GALNT14: variants seen among roughly 807,000 people sequenced by gnomAD.
GALNT14 encodes UDP-GalNAc:polypeptide N-acetylgalactosaminyltransferase 14.
GALNT14 carries 60 observed loss-of-function variants against 77.5 expected under a neutral mutation model. That is an observed-to-expected ratio of 0.77 (90% CI 0.63 to 0.96). GALNT14 has a LOEUF of 0.96. Among genes scored for constraint, GALNT14 ranks in the 40% least tolerant of loss-of-function variants. GALNT14 has a pLI of 0.00. For synonymous variants in GALNT14, 280 were observed against 281.7 expected, an observed-to-expected ratio of 0.99 and a Z score of 0.06; for missense variants, 710 against 731.0, an observed-to-expected ratio of 0.97 and a Z score of 0.33.
At chr2:31,064,367 G>A (rs1674800460) in intron 1 of GALNT14, among the ~76,000 whole-genome samples, 1 of 152,150 alleles carries the variant, frequency 6.6e-6, no homozygotes, top group Non-Finnish European at 1.5e-5. Context: ...TCTAGAAACT[G>A]CCTTCCAGTC....
At chr2:31,020,919 T>G (rs1671674275) in intron 1 of GALNT14, among the ~76,000 whole-genome samples, 1 of 152,144 alleles carries the variant, frequency 6.6e-6, no homozygotes, top group Admixed American at 6.5e-5. Context: ...TTATTACGCC[T>G]CTCCAGGAAT....
intron 1 of GALNT14, among the ~76,000 whole-genome samples, chr2:31,035,571 G>GTGTGTA (rs1308870682): frequency 7.2e-5 from 10 of 139,568 alleles, no homozygotes; most frequent in Admixed American, 4.2e-4. Flanking sequence ...GTGTGTGTAT[G>GTGTGTA]TGTGTGTGTG....
intron 1 of GALNT14, among the ~76,000 whole-genome samples, chr2:31,062,542 A>G (rs1674669857): frequency 6.6e-6 from 1 of 152,194 alleles, no homozygotes; most frequent in Non-Finnish European, 1.5e-5. Flanking sequence ...GTGTCTTTAT[A>G]GTAGAATGAT....
the GALNT14 span, among the ~76,000 whole-genome samples, chr2:30,898,269 G>A: frequency 2.6e-5 from 4 of 152,094 alleles, no homozygotes; most frequent in Admixed American, 6.5e-5. Context: ...AGAAATAAAT[G>A]TTTCTTTGTT....
intron 13 of GALNT14, among the ~76,000 whole-genome samples, chr2:30,912,904 G>C (rs115978175): frequency 0.022 from 3,354 of 152,216 alleles, 142 homozygotes; most frequent in African/African-American, 0.076. Flanking sequence ...ATAAAGAAGG[G>C]TCTAGGGAAA....
intron 1 of GALNT14, among the ~76,000 whole-genome samples, chr2:31,065,587 T>C (rs1488462005): frequency 6.6e-6 from 1 of 152,134 alleles, no homozygotes; most frequent in Non-Finnish European, 1.5e-5. Flanking sequence ...GAGGAGGGCC[T>C]TGGAATGGGC....
At chr2:31,005,264 T>C (rs1433140473) in intron 1 of GALNT14, among the ~76,000 whole-genome samples, 1 of 152,108 alleles carries the variant, frequency 6.6e-6, no homozygotes, top group Non-Finnish European at 1.5e-5. Flanking sequence ...AGCTTCTGTG[T>C]TGTGTGTGTG....
At chr2:31,115,319 G>A (rs111877723) in intron 1 of GALNT14, among the ~76,000 whole-genome samples, 2,296 of 152,090 alleles carry the variant, frequency 0.015, 18 homozygotes, top group South Asian at 0.03. Context: ...CCAAGTGTCC[G>A]AGGCAGATGT....
At chr2:30,938,932 G>A (rs1666215323) in intron 9 of GALNT14, among the ~76,000 whole-genome samples, 3 of 152,180 alleles carry the variant, frequency 2.0e-5, no homozygotes, top group Non-Finnish European at 2.9e-5. Context: ...TATTATTCTC[G>A]TATTTAAAGG....
intron 13 of GALNT14, among the ~76,000 whole-genome samples, chr2:30,915,678 G>C (rs1016891111): frequency 4.6e-5 from 7 of 152,336 alleles, no homozygotes; most frequent in African/African-American, 1.4e-4. Context: ...TGGATTCGCT[G>C]AGTGCTGGGC....
At chr2:31,086,571 A>C (rs6753457) in intron 1 of GALNT14, among the ~76,000 whole-genome samples, 93,745 of 151,614 alleles carry the variant, frequency 0.62, 30,035 homozygotes, top group African/African-American at 0.8. Flanking sequence ...AAAAAAAAAA[A>C]CCATAAAAGG....
chr2:31,103,181 T>TG (rs1470928295), intron 1 of GALNT14, among the ~76,000 whole-genome samples: 1 of 92,254 alleles, frequency 1.1e-5, no homozygotes, highest in Non-Finnish European at 2.2e-5. Flanking sequence ...TTCTTGGCAT[T>TG]ATTTTCGTCT....
intron 1 of GALNT14, among the ~76,000 whole-genome samples, chr2:31,012,534 A>G (rs567532339): frequency 2.0e-5 from 3 of 152,320 alleles, no homozygotes; most frequent in Admixed American, 6.5e-5. Flanking sequence ...CAAGGCCCTC[A>G]GGCTACAGAC....
chr2:31,117,745 C>CAT (rs1678182711), intron 1 of GALNT14, among the ~76,000 whole-genome samples: 1 of 152,122 alleles, frequency 6.6e-6, no homozygotes, highest in African/African-American at 2.4e-5. Flanking sequence ...GACCTGTTAC[C>CAT]ATATGCAATA....
intron 1 of GALNT14, among the ~76,000 whole-genome samples, chr2:31,132,196 C>T (rs1188187551): frequency 6.6e-6 from 1 of 152,160 alleles, no homozygotes; most frequent in Admixed American, 6.5e-5. Flanking sequence ...CAACCAGAGG[C>T]CTGGACTCCG....
chr2:31,100,745 T>A (rs1677229409), intron 1 of GALNT14, among the ~76,000 whole-genome samples: 1 of 151,944 alleles, frequency 6.6e-6, no homozygotes, highest in African/African-American at 2.4e-5. Flanking sequence ...CTCCTAGACT[T>A]ATGGTAGAGT....
At chr2:30,992,689 C>T (rs531360367) in intron 2 of GALNT14, 149 bp downstream of exon 2, 29 of 946,708 alleles carry the variant, frequency 3.1e-5, no homozygotes, top group South Asian at 4.9e-5. Context: ...GGGTCAATCA[C>T]CAAATCCGAA....
chr2:30,990,686 G>A (rs942658435), intron 2 of GALNT14, among the ~76,000 whole-genome samples: 2 of 152,198 alleles, frequency 1.3e-5, no homozygotes, highest in African/African-American at 2.4e-5. Context: ...CTAGATGGCT[G>A]CTGGTCCCAT....
At chr2:30,954,533 G>C (rs1006949603) in intron 6 of GALNT14, among the ~76,000 whole-genome samples, 2 of 152,150 alleles carry the variant, frequency 1.3e-5, no homozygotes, top group African/African-American at 4.8e-5. Flanking sequence ...CAGAGAAAAT[G>C]GTTACTGATG....
Sources: allele counts gnomAD v4.1 joint callset (sites outside exome capture counted in the v4.1 genomes callset), GRCh38; gene constraint gnomAD v4.1.1; transcripts MANE v1.5; gene names NCBI Gene and HGNC (gene_info 2026-07-23, HGNC 2026-07-21).